The following KCNN2 variants were observed in gnomAD, a reference collection of about 807,000 sequenced individuals.
KCNN2 encodes small conductance calcium-activated potassium channel protein 2.
A neutral mutation model predicts 55.5 loss-of-function variants in KCNN2; 24 were observed. The ratio of observed to expected loss-of-function variants is 0.43; its 90% CI spans 0.31 to 0.61. KCNN2 has a LOEUF of 0.61. KCNN2 is among the 20% of genes least tolerant of loss of function. The pLI is 0.08. For missense variants in KCNN2, 754 were observed against 853.6 expected (o/e 0.88, Z 1.45); for synonymous variants, 431 against 336.1 (o/e 1.28, Z -3.09).
At chr5:114,463,263 A>T in intron 4 of KCNN2, 73 bp downstream of exon 4, 1 of 1,195,684 alleles carries the variant, frequency 8.4e-7, no homozygotes, top group Non-Finnish European at 1.2e-6. Context: ...GTCCACGTGC[A>T]TAAGTAATTG....
chr5:114,087,430 A>T (rs542808209), intron 1 of KCNN2, among the ~76,000 whole-genome samples: 1 of 152,242 alleles, frequency 6.6e-6, no homozygotes, highest in African/African-American at 2.4e-5. Flanking sequence ...TAAGTCTTTA[A>T]TCCATCATGA....
chr5:114,346,822 G>A (rs1244311094), intron 2 of KCNN2, among the ~76,000 whole-genome samples: 4 of 151,634 alleles, frequency 2.6e-5, no homozygotes, highest in Non-Finnish European at 4.4e-5. Context: ...TCACTCCAGG[G>A]GCTGGGACAG....
chr5:114,422,166 A>G (rs531635423), intron 3 of KCNN2, among the ~76,000 whole-genome samples: 1 of 152,302 alleles, frequency 6.6e-6, no homozygotes, highest in Admixed American at 6.5e-5. Context: ...GAGATGTCTC[A>G]AATCAAGGGG....
At chr5:114,063,449 A>G (rs896026913) in intron 1 of KCNN2, among the ~76,000 whole-genome samples, 1 of 152,178 alleles carries the variant, frequency 6.6e-6, no homozygotes, top group South Asian at 2.1e-4. Flanking sequence ...CAAAACACAG[A>G]TTTCTGGGTC....
At chr5:114,419,833 TA>T (rs201108973) in intron 3 of KCNN2, among the ~76,000 whole-genome samples, 8 of 150,906 alleles carry the variant, frequency 5.3e-5, no homozygotes, top group African/African-American at 1.2e-4. Context: ...TCTGCAAAAG[TA>T]AAAAAAAATA....
rs985091514 is a variant in KCNN2 at position 114,126,178 on chromosome 5, G to T, written c.-271+69678G>T. On this transcript the variant is annotated intron_variant, in intron 1 of 10. Transcript: ENST00000512097. ...TAAGGACACCAGTGATACTGGATTA[G>T]GTCCCATCCTAATGAACTCATTTTA... 4.0e-4 allele frequency among the ~76,000 whole-genome samples: 61 copies of T among 152,022 alleles called. 2 individuals carry two copies. The highest frequency in any genetic ancestry group is 4.4e-5 in the Non-Finnish European group (3 of 68,020).
intron 2 of KCNN2, 99 bp from the exon 3 acceptor site, chr5:114,404,339 A>T (rs1337067115): frequency 5.4e-6 from 5 of 923,028 alleles, no homozygotes; most frequent in African/African-American, 3.3e-5. Context: ...GCTTGCCATG[A>T]TTGCTAAAAG....
At chr5:114,333,224 G>A (rs1054891194) in intron 2 of KCNN2, among the ~76,000 whole-genome samples, 8 of 152,216 alleles carry the variant, frequency 5.3e-5, no homozygotes, top group Middle Eastern at 3.4e-3. Flanking sequence ...CCGGGAGGGC[G>A]GAAACATGGC....
At chr5:114,218,404 G>T (rs1184939742) in intron 1 of KCNN2, among the ~76,000 whole-genome samples, 2 of 152,138 alleles carry the variant, frequency 1.3e-5, no homozygotes, top group Non-Finnish European at 1.5e-5. Context: ...ATATTATTCA[G>T]TACCACAAAG....
intron 3 of KCNN2, among the ~76,000 whole-genome samples, chr5:114,454,616 C>T (rs1384152424): frequency 1.3e-5 from 2 of 152,158 alleles, no homozygotes; most frequent in African/African-American, 4.8e-5. Flanking sequence ...TGCTACTGTT[C>T]AGCTTAGAAA....
At chr5:114,491,526 A>T (rs1487785326) in intron 6 of KCNN2, among the ~76,000 whole-genome samples, 7 of 143,916 alleles carry the variant, frequency 4.9e-5, no homozygotes, top group African/African-American at 1.0e-4. Context: ...TTTTTTTTTT[A>T]AAAAAAGAAA....
intron 1 of KCNN2, among the ~76,000 whole-genome samples, chr5:114,095,990 A>G (rs1024155372): frequency 8.5e-5 from 13 of 152,134 alleles, no homozygotes; most frequent in African/African-American, 2.9e-4. Flanking sequence ...TATCTGGCCT[A>G]TAGAAAATGC....
chr5:114,056,125 C>G (rs1297239133), exon 1 of KCNN2: 2 of 378,372 alleles, frequency 5.3e-6, no homozygotes, highest in East Asian at 7.5e-5. Context: ...AGTACCGAAG[C>G]AGGGGCAGCC....
At chr5:114,196,213 C>T (rs1422607172) in intron 1 of KCNN2, among the ~76,000 whole-genome samples, 3 of 151,618 alleles carry the variant, frequency 2.0e-5, no homozygotes, top group African/African-American at 7.3e-5. Flanking sequence ...TGAGATAATT[C>T]CCACTTGGAA....
At chr5:114,400,981 T>C (rs337704) in intron 2 of KCNN2, among the ~76,000 whole-genome samples, 72,368 of 151,220 alleles carry the variant, frequency 0.48, 19,415 homozygotes, top group African/African-American at 0.73. Flanking sequence ...ATGTTTTTTT[T>C]TTTCTTTCTT....
intron 1 of KCNN2, among the ~76,000 whole-genome samples, chr5:114,107,114 A>C (rs1487980227): frequency 6.6e-6 from 1 of 152,038 alleles, no homozygotes; most frequent in African/African-American, 2.4e-5. Flanking sequence ...CTCTCATATG[A>C]TTATCCAATT....
At chr5:114,197,373 T>C (rs981445297) in intron 1 of KCNN2, among the ~76,000 whole-genome samples, 1 of 152,212 alleles carries the variant, frequency 6.6e-6, no homozygotes. Flanking sequence ...GTCTTCTCTC[T>C]CCTTGTTAGT....
chr5:114,454,756 G>A lies in KCNN2; in HGVS notation c.1638-8293G>A, dbSNP rs373287962. On this transcript the variant is annotated intron_variant, in intron 3 of 7. Transcript: ENST00000673685. ...TGTTGATACCAGGCAGGGCAGGTAC[G>A]TGCGTATCCATCATTCTGTATACTT... 1.6e-4 allele frequency among the ~76,000 whole-genome samples: 25 copies of A among 152,286 alleles called. No individual in the cohort carries two copies. In the East Asian group the frequency reaches 1.7e-3, roughly 11 times the overall value.
intron 1 of KCNN2, among the ~76,000 whole-genome samples, chr5:114,091,414 G>T (rs150663941): frequency 5.3e-5 from 8 of 152,230 alleles, no homozygotes; most frequent in Non-Finnish European, 8.8e-5. Context: ...GATTAGAGTA[G>T]GAGAGAATGA....
Sources: gnomAD v4.1 joint callset for allele counts (sites outside exome capture counted in the v4.1 genomes callset) on GRCh38, gnomAD v4.1.1 for gene constraint, MANE v1.5 for transcripts, NCBI Gene and HGNC (gene_info 2026-07-23, HGNC 2026-07-21) for gene names.